CORIN: variants seen among roughly 807,000 people sequenced by gnomAD.
The protein encoded by CORIN is corin, serine peptidase.
A neutral mutation model predicts 125.3 loss-of-function variants in CORIN; 117 were observed. The observed-to-expected ratio is 0.93, with a 90% CI of 0.80 to 1.09. The LOEUF (loss-of-function observed/expected upper bound fraction) is 1.09. Ranked by LOEUF, CORIN falls within the 50% of genes least tolerant of loss-of-function variation. CORIN has a pLI of 0.00. For missense variants in CORIN, 1,253 were observed against 1,306.7 expected (o/e 0.96, Z 0.63); for synonymous variants, 450 against 466.4 (o/e 0.96, Z 0.45).
At chr4:47,709,828 A>G (rs1324101651) in intron 5 of CORIN, among the ~76,000 whole-genome samples, 1 of 152,226 alleles carries the variant, frequency 6.6e-6, no homozygotes, top group Admixed American at 6.5e-5. Flanking sequence ...GGTTGCAAGC[A>G]ATTTTTGTTA....
intron 3 of CORIN, among the ~76,000 whole-genome samples, chr4:47,782,689 G>C (rs572526304): frequency 2.6e-5 from 4 of 152,226 alleles, no homozygotes; most frequent in African/African-American, 9.6e-5. Flanking sequence ...ATGTGATAGA[G>C]CCATATGAAG....
chr4:47,744,109 G>A (rs1728542254), intron 5 of CORIN, among the ~76,000 whole-genome samples: 1 of 152,154 alleles, frequency 6.6e-6, no homozygotes, highest in African/African-American at 2.4e-5. Context: ...GTTTTAAAAA[G>A]TTACATATTG....
intron 19 of CORIN, among the ~76,000 whole-genome samples, chr4:47,607,098 A>G (rs1254204075): frequency 6.6e-6 from 1 of 152,226 alleles, no homozygotes; most frequent in Non-Finnish European, 1.5e-5. Flanking sequence ...ATTATAAAAA[A>G]TTAGTGTCAA....
rs554665080 is a variant in CORIN at position 47,613,563 on chromosome 4, G to A, written c.2541-9895C>T. Among the ~76,000 whole-genome samples, 31 of 151,954 alleles carry A rather than the reference G, an allele frequency of 2.0e-4. No homozygotes were observed. In the South Asian group the frequency reaches 6.3e-3, roughly 31 times the overall value. ...GCAAAGACTTGGAACCAACCCAAAT[G>A]TCCAACAATGATAGACTGGATTAAG... On this transcript the variant is annotated intron_variant, in intron 19 of 21. Coordinates refer to ENST00000273857, the MANE Select transcript of CORIN (RefSeq NM_006587.4).
At chr4:47,630,947 A>G (rs1722780552) in intron 16 of CORIN, among the ~76,000 whole-genome samples, 2 of 152,150 alleles carry the variant, frequency 1.3e-5, no homozygotes, top group Non-Finnish European at 2.9e-5. Context: ...TCACTCTAGA[A>G]AAGGGATGAG....
rs140625927 is a variant in CORIN at position 47,627,139 on chromosome 4, C to A, written c.2199-618G>T. Among the ~76,000 whole-genome samples, 958 of 152,090 alleles carry A rather than the reference C, an allele frequency of 6.3e-3. 10 individuals are homozygous for A. The highest frequency in any genetic ancestry group is 9.4e-3 in the Non-Finnish European group (641 of 67,976). On this transcript the variant is annotated intron_variant, in intron 16 of 21. Transcript: ENST00000273857. ...CTGGGATCACAGGTACATGCAATCA[C>A]GCCCAGCTAATTTTTATATTTTTAG...
At chr4:47,649,423 G>C (rs1220093070) in intron 13 of CORIN, among the ~76,000 whole-genome samples, 3 of 152,200 alleles carry the variant, frequency 2.0e-5, no homozygotes, top group Non-Finnish European at 4.4e-5. Flanking sequence ...GACTATGCTA[G>C]ACAGGACTCC....
chr4:47,803,512 A>G (rs1205956349), intron 2 of CORIN, among the ~76,000 whole-genome samples: 2 of 152,220 alleles, frequency 1.3e-5, no homozygotes, highest in Non-Finnish European at 2.9e-5. Flanking sequence ...ACAGACACAC[A>G]GACTGATGGA....
At chr4:47,693,284 G>C (rs952776014) in intron 5 of CORIN, among the ~76,000 whole-genome samples, 1 of 152,188 alleles carries the variant, frequency 6.6e-6, no homozygotes, top group Non-Finnish European at 1.5e-5. Context: ...TACAAAGAGT[G>C]ATTGCTTGTC....
intron 16 of CORIN, among the ~76,000 whole-genome samples, chr4:47,639,033 A>C (rs1214623585): frequency 1.3e-5 from 2 of 152,172 alleles, no homozygotes; most frequent in Non-Finnish European, 2.9e-5. Context: ...TTTCAGTAGA[A>C]TCCCTGCAAC....
intron 5 of CORIN, among the ~76,000 whole-genome samples, chr4:47,708,163 G>T (rs1053444371): frequency 6.6e-6 from 1 of 152,154 alleles, no homozygotes; most frequent in African/African-American, 2.4e-5. Flanking sequence ...ATAAAAATTT[G>T]CCACAAATTG....
chr4:47,604,349 A>C (rs1315423738), intron 19 of CORIN, among the ~76,000 whole-genome samples: 1 of 151,982 alleles, frequency 6.6e-6, no homozygotes, highest in Non-Finnish European at 1.5e-5. Context: ...TCAGCTGTCT[A>C]TTCTCACTCC....
chr4:47,746,491 C>T (rs745664391), intron 4 of CORIN, among the ~76,000 whole-genome samples: 1 of 152,008 alleles, frequency 6.6e-6, no homozygotes, highest in Non-Finnish European at 1.5e-5. Context: ...TACTGTACTA[C>T]GAGTAAGTCC....
At chr4:47,784,852 G>C (rs1730713513) in intron 3 of CORIN, among the ~76,000 whole-genome samples, 1 of 152,152 alleles carries the variant, frequency 6.6e-6, no homozygotes, top group African/African-American at 2.4e-5. Flanking sequence ...TGAATCACTG[G>C]TAAACACTAT....
At chr4:47,600,729 A>G (rs1206180633) in intron 20 of CORIN, among the ~76,000 whole-genome samples, 1 of 152,180 alleles carries the variant, frequency 6.6e-6, no homozygotes, top group African/African-American at 2.4e-5. Flanking sequence ...GCGTCAACTC[A>G]GCATGATAGT....
chr4:47,622,241 G>C (rs111490583), intron 19 of CORIN, among the ~76,000 whole-genome samples: 27 of 151,986 alleles, frequency 1.8e-4, no homozygotes, highest in African/African-American at 6.3e-4. Context: ...TCTTAATCCA[G>C]TCTATCATTG....
intron 3 of CORIN, among the ~76,000 whole-genome samples, chr4:47,765,882 C>T (rs964766555): frequency 3.3e-5 from 5 of 152,188 alleles, no homozygotes; most frequent in Admixed American, 2.6e-4. Flanking sequence ...TTTACAAACT[C>T]CTTATTAGGG....
chr4:47,743,749 A>G (rs1259515990), intron 5 of CORIN, among the ~76,000 whole-genome samples: 1 of 152,088 alleles, frequency 6.6e-6, no homozygotes, highest in Non-Finnish European at 1.5e-5. Flanking sequence ...GCCAGGCATG[A>G]TGGCGTGCAC....
chr4:47,773,900 G>C (rs903310976), intron 3 of CORIN, among the ~76,000 whole-genome samples: 3 of 151,520 alleles, frequency 2.0e-5, no homozygotes, highest in Non-Finnish European at 4.4e-5. Context: ...ATTACTAAAA[G>C]ATAAAAGGTA....
Sources: gnomAD v4.1 joint callset for allele counts (sites outside exome capture counted in the v4.1 genomes callset) on GRCh38, gnomAD v4.1.1 for gene constraint, MANE v1.5 for transcripts, NCBI Gene and HGNC (gene_info 2026-07-23, HGNC 2026-07-21) for gene names.